The following CLEC18B variants were observed in gnomAD, a reference collection of about 807,000 sequenced individuals.
The protein encoded by CLEC18B is mannose receptor-like 2.
CLEC18B carries 5 observed loss-of-function variants against 60.4 expected under a neutral mutation model. That is an observed-to-expected ratio of 0.08 (90% CI 0.04 to 0.17). The LOEUF (loss-of-function observed/expected upper bound fraction) is 0.17. CLEC18B is among the 10% of genes least tolerant of loss of function. CLEC18B has a pLI of 1.00. For synonymous variants in CLEC18B, 16 were observed against 221.2 expected, an observed-to-expected ratio of 0.07 and a Z score of 8.23; for missense variants, 26 against 572.8, an observed-to-expected ratio of 0.05 and a Z score of 9.74.
chr16:74,410,246 T>C (rs2013071460), intron 10 of CLEC18B, among the ~76,000 whole-genome samples: 1 of 152,284 alleles, frequency 6.6e-6, no homozygotes, highest in African/African-American at 2.4e-5. Flanking sequence ...GAGGGGTGAG[T>C]GGATGAGAAT....
upstream of CLEC18B, chr16:74,421,616 G>A (rs545642031): frequency 1.6e-4 from 82 of 501,172 alleles, no homozygotes; most frequent in East Asian, 4.4e-3. Context: ...AGCCCCCAGA[G>A]ACCCCGCTGA....
chr16:74,412,306 C>CA (rs2013202129), intron 6 of CLEC18B, 60 bp from the exon 7 acceptor site: 1 of 1,322,992 alleles, frequency 7.6e-7, no homozygotes, highest in African/African-American at 1.5e-5. Context: ...CCCCACGCTG[C>CA]CCCCCAGAGG....
chr16:74,422,026 G>C (rs1408494735), upstream of CLEC18B: 17 of 146,218 alleles, frequency 1.2e-4, no homozygotes, highest in South Asian at 2.3e-4. Flanking sequence ...ACAGGCCAGG[G>C]GGGGAGTGAG....
intron 10 of CLEC18B, among the ~76,000 whole-genome samples, chr16:74,410,177 G>A (rs2013065574): frequency 6.6e-6 from 1 of 152,290 alleles, no homozygotes. Context: ...GTGCAGGTGG[G>A]TGACAGCTAA....
At chr16:74,419,208 C>T (rs148026772) in intron 2 of CLEC18B, among the ~76,000 whole-genome samples, 13,594 of 148,556 alleles carry the variant, frequency 0.092, 204 homozygotes, top group Admixed American at 0.19. Context: ...CAGGGAGGTG[C>T]CTGCAGGATA....
intron 2 of CLEC18B, among the ~76,000 whole-genome samples, chr16:74,419,117 G>A (rs1405046099): frequency 6.6e-6 from 1 of 152,272 alleles, no homozygotes; most frequent in East Asian, 1.9e-4. Context: ...TTAAACAAGG[G>A]GCCTGGCAAT....
At chr16:74,414,670 C>T (rs1233763122) in intron 3 of CLEC18B, among the ~76,000 whole-genome samples, 2 of 131,218 alleles carry the variant, frequency 1.5e-5, no homozygotes, top group African/African-American at 5.9e-5. Flanking sequence ...ACCAGAAAAC[C>T]TCCCTGCTGA....
In CLEC18B at chr16:74,408,933, T is replaced by TC; in HGVS notation, c.*72dup. 5 of 1,606,166 alleles carry TC rather than the reference T, an allele frequency of 3.1e-6. No individual in the cohort carries two copies. In the South Asian group the frequency reaches 4.4e-5, roughly 14 times the overall value. ...CATGTGGTCTTAACCTGGCCCTTGT[T>TC]CCAGACAGGTGGGCAGACAGGTAAG... On this transcript the variant is annotated 3_prime_UTR_variant, in exon 12 of 12. Transcript: ENST00000682950.
chr16:74,418,713 C>T (rs1262269181), intron 2 of CLEC18B, among the ~76,000 whole-genome samples: 3 of 152,266 alleles, frequency 2.0e-5, no homozygotes, highest in Admixed American at 1.3e-4. Flanking sequence ...CCTACAGCCA[C>T]ACCTCTCTGC....
upstream of CLEC18B, chr16:74,422,564 A>AT (rs1410169187): frequency 2.0e-5 from 3 of 149,898 alleles, no homozygotes; most frequent in Non-Finnish European, 4.4e-5. Flanking sequence ...GTCCCCCACA[A>AT]TACCTAGGGG....
intron 2 of CLEC18B, among the ~76,000 whole-genome samples, chr16:74,418,846 T>G (rs1201665355): frequency 7.8e-6 from 1 of 128,872 alleles, no homozygotes; most frequent in African/African-American, 3.1e-5. Context: ...CAGGCTGGAG[T>G]GCAGTGGAGA....
intron 3 of CLEC18B, 144 bp from the exon 4 acceptor site, chr16:74,413,820 G>A (rs2013299211): frequency 3.9e-6 from 5 of 1,286,228 alleles, no homozygotes; most frequent in African/African-American, 1.5e-5. Flanking sequence ...GGCAGGGGTA[G>A]AAGCATGGGT....
chr16:74,418,105 G>C lies in CLEC18B; in HGVS notation c.410C>G (p.Ala137Gly), dbSNP rs146242972. 6.3e-7 allele frequency: 1 copy of C among 1,577,836 alleles called. No homozygotes were observed. The highest frequency in any genetic ancestry group is 8.6e-7 in the Non-Finnish European group (1 of 1,161,162). The change falls in exon 3 of 12, where the codon GCG becomes GGG. Residue 137 changes from alanine (A) to glycine (G), a missense_variant. Coordinates refer to ENST00000682950, the MANE Select transcript of CLEC18B (RefSeq NM_001385193.1). The stretch of plus-strand genomic sequence containing the variant: ...GGCGTTGCGAGCACACTCTCCTGCC[G>C]CGTGGCTGTACCGCTGCCCCTCTGC... ...WFAEGQRYSH[A>G]AGECARNATC...
At position 74,421,384 on chromosome 16, in the gene CLEC18B, A is replaced by G; in HGVS notation, c.-114T>C. The G allele has an allele frequency of 6.2e-7, 1 of 1,602,764 alleles. No individual in the cohort carries two copies. The highest frequency in any genetic ancestry group is 8.5e-7 in the Non-Finnish European group (1 of 1,174,850). Reference sequence around the variant, plus strand: ...TCCAGGAGTCAGGCTGGGCTGGTGGACAAAAGAGGGGGGCTGGTGAACAAA... The same window carrying G: ...TCCAGGAGTCAGGCTGGGCTGGTGGGCAAAAGAGGGGGGCTGGTGAACAAA... On this transcript the variant is annotated 5_prime_UTR_variant, in exon 1 of 12. Coordinates refer to ENST00000682950, the MANE Select transcript of CLEC18B (RefSeq NM_001385193.1).
At chr16:74,416,927 A>G (rs1004834207) in intron 3 of CLEC18B, among the ~76,000 whole-genome samples, 4 of 151,866 alleles carry the variant, frequency 2.6e-5, no homozygotes, top group African/African-American at 9.7e-5. Flanking sequence ...GTTTAGTAGC[A>G]TCTTCTAAAC....
chr16:74,410,044 C>T (rs1332349895), intron 10 of CLEC18B, among the ~76,000 whole-genome samples: 793 of 148,914 alleles, frequency 5.3e-3, no homozygotes, highest in Non-Finnish European at 7.9e-3. Flanking sequence ...CGCAGCCGGA[C>T]CACCTCCACC....
chr16:74,421,761 C>G (rs1295591232), upstream of CLEC18B: 2 of 189,834 alleles, frequency 1.1e-5, no homozygotes, highest in African/African-American at 5.0e-5. Context: ...GGCTATGGTC[C>G]TTCTGGTGAG....
intron 3 of CLEC18B, among the ~76,000 whole-genome samples, chr16:74,415,998 C>T (rs1294506509): frequency 1.6e-4 from 24 of 151,502 alleles, no homozygotes; most frequent in Admixed American, 5.9e-4. Flanking sequence ...CAGTGGCTCA[C>T]GCCTGTAATC....
chr16:74,422,670 G>GTATTTT (rs1268384883), upstream of CLEC18B, among the ~76,000 whole-genome samples: 2 of 147,132 alleles, frequency 1.4e-5, no homozygotes, highest in Non-Finnish European at 3.0e-5. Context: ...GTTTTTTGAT[G>GTATTTT]TATTTTTATT....
Sources: allele counts gnomAD v4.1 joint callset (sites outside exome capture counted in the v4.1 genomes callset), GRCh38; gene constraint gnomAD v4.1.1; transcripts MANE v1.5; gene names NCBI Gene and HGNC (gene_info 2026-07-23, HGNC 2026-07-21).